The following ROBO1 variants were observed in gnomAD, a reference collection of about 807,000 sequenced individuals.
ROBO1 encodes the protein roundabout guidance receptor 1.
ROBO1 carries 149 observed loss-of-function variants against 195.9 expected under a neutral mutation model. The observed-to-expected ratio is 0.76, with a 90% CI of 0.67 to 0.87. The LOEUF is 0.87. ROBO1 is among the 40% of genes least tolerant of loss of function. The pLI, the probability that ROBO1 is intolerant of heterozygous loss-of-function variation, is 0.00. For missense variants in ROBO1, 1,933 were observed against 2,068.3 expected, an observed-to-expected ratio of 0.93 and a Z score of 1.27; for synonymous variants, 816 against 733.2, an observed-to-expected ratio of 1.11 and a Z score of -1.82.
Position 78,746,746 on chromosome 3 carries a change from T to A in ROBO1, c.654A>T (p.Ile218=). The A allele has an allele frequency of 6.6e-7, 1 of 1,514,746 alleles. No homozygotes were observed. The highest frequency in any genetic ancestry group is 8.9e-7 in the Non-Finnish European group (1 of 1,118,092). The allele number at this position is 1,514,746 out of a possible 1,614,324, so 93.8% of individuals were successfully genotyped here. A position where few individuals can be genotyped will look rare whatever the true frequency, so the allele number is the denominator to read the frequency against. The change falls in exon 5 of 31, where the codon ATA becomes ATT. Residue 218 remains isoleucine, a synonymous_variant. Transcript: ENST00000464233. ...GSPLDDKDER[I]TIRGGKLMIT... ...TGCTGTTGAATTAAATACTCACAGTTATTCTTTCATCTTTATCATCCAGTG... is the reference window on the plus strand; with the variant it reads ...TGCTGTTGAATTAAATACTCACAGTAATTCTTTCATCTTTATCATCCAGTG...
At chr3:78,657,032 A>G in intron 18 of ROBO1, 66 bp downstream of exon 18, 2 of 1,462,588 alleles carry the variant, frequency 1.4e-6, no homozygotes, top group Non-Finnish European at 9.1e-7. Flanking sequence ...AGCCACATGC[A>G]AAAAAGCAAA....
intron 2 of ROBO1, among the ~76,000 whole-genome samples, chr3:79,503,682 A>C (rs113357574): frequency 0.035 from 5,326 of 152,280 alleles, 122 homozygotes; most frequent in Non-Finnish European, 0.053. Context: ...CAACTCCCAA[A>C]GTCTGTTTAG....
chr3:79,493,902 A>T (rs1398241184), intron 2 of ROBO1, among the ~76,000 whole-genome samples: 1 of 152,176 alleles, frequency 6.6e-6, no homozygotes, highest in Non-Finnish European at 1.5e-5. Flanking sequence ...ATTATTACTA[A>T]CTATAGTTAC....
intron 2 of ROBO1, among the ~76,000 whole-genome samples, chr3:79,198,004 AG>A (rs1484967878): frequency 1.3e-5 from 2 of 151,608 alleles, no homozygotes; most frequent in African/African-American, 2.4e-5. Context: ...TCACTCTGAT[AG>A]TACTTTCTTT....
At chr3:79,165,006 C>T (rs2081037360) in intron 2 of ROBO1, among the ~76,000 whole-genome samples, 1 of 152,130 alleles carries the variant, frequency 6.6e-6, no homozygotes. Flanking sequence ...TGATACTTAA[C>T]ACATTTTAAC....
intron 3 of ROBO1, among the ~76,000 whole-genome samples, chr3:78,947,954 C>G (rs2107750211): frequency 6.6e-6 from 1 of 152,258 alleles, no homozygotes; most frequent in East Asian, 1.9e-4. Flanking sequence ...ACACATACAT[C>G]CTCCCAAGAC....
intron 2 of ROBO1, among the ~76,000 whole-genome samples, chr3:79,207,624 C>T (rs1418118801): frequency 1.3e-5 from 2 of 152,056 alleles, no homozygotes; most frequent in South Asian, 2.1e-4. Context: ...AAAGCCAATG[C>T]TATCCCTCTA....
At chr3:79,040,501 C>G (rs1197280480) in intron 3 of ROBO1, among the ~76,000 whole-genome samples, 2 of 151,976 alleles carry the variant, frequency 1.3e-5, no homozygotes, top group Non-Finnish European at 2.9e-5. Flanking sequence ...TGGGTAACAC[C>G]AAAGGTCAAG....
At chr3:78,774,307 T>A (rs1267697076) in intron 4 of ROBO1, among the ~76,000 whole-genome samples, 1 of 151,916 alleles carries the variant, frequency 6.6e-6, no homozygotes, top group Non-Finnish European at 1.5e-5. Flanking sequence ...TAAAGATATT[T>A]GCTAAAAGTT....
chr3:79,412,866 A>G (rs1199255190), intron 2 of ROBO1, among the ~76,000 whole-genome samples: 1 of 89,518 alleles, frequency 1.1e-5, no homozygotes, highest in Middle Eastern at 7.9e-3. Context: ...TTATTGCCTC[A>G]TGAGCTGATT....
At chr3:78,814,441 C>T (rs1368007623) in intron 4 of ROBO1, among the ~76,000 whole-genome samples, 2 of 152,014 alleles carry the variant, frequency 1.3e-5, no homozygotes, top group Non-Finnish European at 2.9e-5. Context: ...TGTCAATCCA[C>T]ACTAGCCCCA....
chr3:79,333,137 A>G (rs1442471292), intron 2 of ROBO1, among the ~76,000 whole-genome samples: 6 of 150,910 alleles, frequency 4.0e-5, no homozygotes, highest in South Asian at 4.2e-4. Flanking sequence ...TGAGAGGCGG[A>G]GGTTCCAGTG....
chr3:79,716,697 G>A (rs1255587621), intron 1 of ROBO1, among the ~76,000 whole-genome samples: 2 of 151,924 alleles, frequency 1.3e-5, no homozygotes, highest in East Asian at 3.9e-4. Flanking sequence ...TCCTCAGCCA[G>A]TAATACCAGC....
chr3:79,047,244 A>G (rs567224167), intron 3 of ROBO1, among the ~76,000 whole-genome samples: 1 of 152,256 alleles, frequency 6.6e-6, no homozygotes, highest in Middle Eastern at 3.4e-3. Flanking sequence ...AAAGTAGAAA[A>G]TGTGCCTAAT....
chr3:78,944,509 T>G (rs993013375), intron 3 of ROBO1, among the ~76,000 whole-genome samples: 5 of 152,050 alleles, frequency 3.3e-5, no homozygotes, highest in African/African-American at 1.2e-4. Context: ...TCTTTGGGGA[T>G]AGAAGAAAAT....
intron 2 of ROBO1, among the ~76,000 whole-genome samples, chr3:79,481,669 C>T (rs1298976444): frequency 6.6e-6 from 1 of 152,144 alleles, no homozygotes. Context: ...ATTTTTAGTG[C>T]CAACATTGAT....
At chr3:78,610,839 T>C (rs1703767445) in intron 28 of ROBO1, among the ~76,000 whole-genome samples, 1 of 152,196 alleles carries the variant, frequency 6.6e-6, no homozygotes, top group East Asian at 1.9e-4. Context: ...ATTTCTTATA[T>C]AAACAGATTG....
At chr3:79,532,484 A>C (rs1941699049) in intron 2 of ROBO1, among the ~76,000 whole-genome samples, 1 of 152,182 alleles carries the variant, frequency 6.6e-6, no homozygotes, top group Non-Finnish European at 1.5e-5. Flanking sequence ...AATAAGTCAA[A>C]AATGTAGTTA....
chr3:79,299,900 C>T (rs1235232046), intron 2 of ROBO1, among the ~76,000 whole-genome samples: 1 of 149,726 alleles, frequency 6.7e-6, no homozygotes, highest in Non-Finnish European at 1.5e-5. Context: ...TAAAGATATT[C>T]AAACTTTCAG....
Sources: gnomAD v4.1 joint callset for allele counts (sites outside exome capture counted in the v4.1 genomes callset) on GRCh38, gnomAD v4.1.1 for gene constraint, MANE v1.5 for transcripts, NCBI Gene and HGNC (gene_info 2026-07-23, HGNC 2026-07-21) for gene names.